RHBDL2: variants seen among roughly 807,000 people sequenced by gnomAD.
RHBDL2 encodes the protein rhomboid like 2, also known as rhomboid-related protein 2.
A neutral mutation model predicts 31.7 loss-of-function variants in RHBDL2; 26 were observed. The observed-to-expected ratio is 0.82, with a 90% CI of 0.60 to 1.14. The LOEUF (loss-of-function observed/expected upper bound fraction) is 1.14. RHBDL2 is among the 50% of genes most tolerant of loss of function. The probability of loss-of-function intolerance (pLI) is 0.00; values close to 1 mark genes in which losing one functional copy is unlikely to be tolerated. For missense variants in RHBDL2, 336 were observed against 364.4 expected (o/e 0.92, Z 0.63); for synonymous variants, 123 against 127.2 (o/e 0.97, Z 0.22).
intron 1 of RHBDL2, among the ~76,000 whole-genome samples, chr1:38,941,333 G>T (rs1253443426): frequency 6.6e-6 from 1 of 152,168 alleles, no homozygotes; most frequent in Non-Finnish European, 1.5e-5. Context: ...AAAAACTTAG[G>T]AGGGTAGGGG....
intron 2 of RHBDL2, among the ~76,000 whole-genome samples, chr1:38,918,661 A>C (rs1643269574): frequency 6.6e-6 from 1 of 152,148 alleles, no homozygotes. Context: ...GCAACCCCAG[A>C]ATGATTTGCT....
rs907082874 is a variant in RHBDL2 at position 38,909,329 on chromosome 1, T to C, written c.508+1993A>G. 3.9e-5 allele frequency among the ~76,000 whole-genome samples: 6 copies of C among 152,282 alleles called. No homozygotes were observed. In the South Asian group the frequency reaches 1.2e-3, roughly 32 times the overall value. ...CCAGCACTTCCCTTCCACCCTTCCG[T>C]ATCACGAGCACAGGTAAAATAAAAA... On this transcript the variant is annotated intron_variant, in intron 4 of 7. Transcript: ENST00000372990.
At chr1:38,915,399 A>G in intron 3 of RHBDL2, 163 bp downstream of exon 3, 1 of 652,214 alleles carries the variant, frequency 1.5e-6, no homozygotes, top group East Asian at 2.8e-5. Context: ...TACATCTCCT[A>G]TGCCTCAGAC....
At chr1:38,923,992 C>G (rs550820924) in intron 1 of RHBDL2, among the ~76,000 whole-genome samples, 29 of 152,026 alleles carry the variant, frequency 1.9e-4, no homozygotes, top group Non-Finnish European at 1.5e-5. Flanking sequence ...TTATGCACAC[C>G]AAGAACCAAA....
chr1:38,936,975 T>A (rs1290089202), intron 1 of RHBDL2, among the ~76,000 whole-genome samples: 3 of 133,948 alleles, frequency 2.2e-5, no homozygotes, highest in Non-Finnish European at 4.7e-5. Flanking sequence ...TGAGACAGAG[T>A]CTCACCCTGT....
intron 4 of RHBDL2, among the ~76,000 whole-genome samples, chr1:38,904,223 C>G (rs1022922001): frequency 6.6e-6 from 1 of 152,252 alleles, no homozygotes; most frequent in Non-Finnish European, 1.5e-5. Context: ...GTAATCCCAG[C>G]GCTTTGGGAG....
chr1:38,909,931 A>C (rs1409858041), intron 4 of RHBDL2, among the ~76,000 whole-genome samples: 3 of 152,206 alleles, frequency 2.0e-5, no homozygotes, highest in African/African-American at 7.2e-5. Context: ...CTAATAGCCA[A>C]AAACTGAAAC....
At chr1:38,910,270 C>G (rs562127879) in intron 4 of RHBDL2, among the ~76,000 whole-genome samples, 1 of 152,098 alleles carries the variant, frequency 6.6e-6, no homozygotes, top group African/African-American at 2.4e-5. Flanking sequence ...TGTTTTGTAC[C>G]CTGACTATAT....
chr1:38,936,952 T>C (rs1242962286), intron 1 of RHBDL2, among the ~76,000 whole-genome samples: 1 of 135,236 alleles, frequency 7.4e-6, no homozygotes, highest in Non-Finnish European at 1.6e-5. Context: ...TCGAGTGTTC[T>C]TTTTTTTTTT....
chr1:38,924,894 G>T (rs1175455240), intron 1 of RHBDL2, among the ~76,000 whole-genome samples: 16 of 147,346 alleles, frequency 1.1e-4, no homozygotes, highest in Non-Finnish European at 1.5e-5. Flanking sequence ...CAATTCTCCT[G>T]CCTCAAACTC....
rs535479036 is a variant in RHBDL2 at position 38,938,052 on chromosome 1, C to T, written c.-126+3630G>A. Among the ~76,000 whole-genome samples the T allele has an allele frequency of 4.0e-5, 6 of 151,784 alleles. No individual in the cohort carries two copies. In the East Asian group the frequency reaches 1.2e-3, roughly 29 times the overall value. On this transcript the variant is annotated intron_variant, in intron 1 of 7. Transcript: ENST00000372990. ...TTTTTTTTTGAGACAGTGTCTCACT[C>T]TGTTGCCCAGGCTGGAGTGCAGCGG...
chr1:38,900,495 C>T (rs1345190748), intron 4 of RHBDL2, among the ~76,000 whole-genome samples: 1 of 152,132 alleles, frequency 6.6e-6, no homozygotes, highest in Non-Finnish European at 1.5e-5. Context: ...GTGGTGCATG[C>T]CTATAATCCC....
chr1:38,888,091 C>T, intron 6 of RHBDL2, 67 bp from the exon 7 acceptor site: 1 of 1,000,336 alleles, frequency 1.0e-6, no homozygotes, highest in South Asian at 1.4e-5. Flanking sequence ...GTTTTTGGTT[C>T]CCCTCTAATA....
intron 3 of RHBDL2, among the ~76,000 whole-genome samples, chr1:38,913,387 C>T (rs1163449098): frequency 6.6e-6 from 1 of 152,106 alleles, no homozygotes; most frequent in Non-Finnish European, 1.5e-5. Context: ...TCAGAACATA[C>T]TTGTTAAATG....
rs1642780514 is a variant in RHBDL2 at position 38,886,145 on chromosome 1, G to A, written c.*359C>T. The A allele has an allele frequency of 6.5e-6, 1 of 154,062 alleles. No homozygotes were observed. The highest frequency in any genetic ancestry group is 6.5e-5 in the Admixed American group (1 of 15,308). The allele number at this position is 154,062 out of a possible 1,614,324, so 9.5% of individuals were successfully genotyped here. On this transcript the variant is annotated 3_prime_UTR_variant, in exon 8 of 8. Coordinates refer to ENST00000372990, the MANE Select transcript of RHBDL2 (RefSeq NM_017821.5). ...TTTGTATTTTCTTTAGTAGAGACAG[G>A]GTTTCACCATATTGGTCAGGCTGGT... is the stretch of plus-strand genomic sequence containing the variant.
chr1:38,916,461 A>G (rs1324698393), intron 2 of RHBDL2, among the ~76,000 whole-genome samples: 2 of 152,194 alleles, frequency 1.3e-5, no homozygotes, highest in Non-Finnish European at 2.9e-5. Flanking sequence ...GAGGAACAGA[A>G]AGAGGACATT....
chr1:38,940,361 G>C (rs1244941018), intron 1 of RHBDL2, among the ~76,000 whole-genome samples: 1 of 151,934 alleles, frequency 6.6e-6, no homozygotes, highest in East Asian at 1.9e-4. Flanking sequence ...TGCCTATGTG[G>C]CTCTCCCTTC....
At chr1:38,902,576 T>C (rs2124314391) in intron 4 of RHBDL2, among the ~76,000 whole-genome samples, 1 of 151,988 alleles carries the variant, frequency 6.6e-6, no homozygotes, top group Admixed American at 6.6e-5. Context: ...CACACCACCA[T>C]GCCCAGCTAA....
intron 1 of RHBDL2, chr1:38,929,452 C>A: frequency 7.8e-7 from 1 of 1,289,480 alleles, no homozygotes; most frequent in Non-Finnish European, 1.0e-6. Flanking sequence ...CTTATGACAA[C>A]TCCTTTTCCA....
Sources: allele counts gnomAD v4.1 joint callset (sites outside exome capture counted in the v4.1 genomes callset), GRCh38; gene constraint gnomAD v4.1.1; transcripts MANE v1.5; gene names NCBI Gene and HGNC (gene_info 2026-07-23, HGNC 2026-07-21).